SRCIN1: variants seen among roughly 807,000 people sequenced by gnomAD.
SRCIN1 encodes the protein SRC kinase signaling inhibitor 1.
In SRCIN1, 50 loss-of-function variants were observed where a neutral mutation model predicts 116.2. That is an observed-to-expected ratio of 0.43 (90% CI 0.34 to 0.54). The LOEUF is 0.54. Among genes scored for constraint, SRCIN1 ranks in the 20% least tolerant of loss-of-function variants. The pLI, the probability that SRCIN1 is intolerant of heterozygous loss-of-function variation, is 0.02. For missense variants in SRCIN1, 1,446 were observed against 1,672.0 expected (o/e 0.86, Z 2.36); for synonymous variants, 736 against 750.0 (o/e 0.98, Z 0.30).
At chr17:38,533,916 C>G (rs1231388104) in intron 18 of SRCIN1, among the ~76,000 whole-genome samples, 2 of 151,978 alleles carry the variant, frequency 1.3e-5, no homozygotes, top group Non-Finnish European at 2.9e-5. Context: ...CTGGTGGCAA[C>G]AGAGGAGGGG....
At chr17:38,589,682 G>A (rs918729212) in intron 1 of SRCIN1, among the ~76,000 whole-genome samples, 57 of 152,206 alleles carry the variant, frequency 3.7e-4, no homozygotes, top group African/African-American at 1.4e-3. Context: ...CTCCACCAGG[G>A]CGAGGGGGCC....
At chr17:38,543,209 C>T (rs528099079) in intron 18 of SRCIN1, 78 of 456,794 alleles carry the variant, frequency 1.7e-4, no homozygotes, top group Non-Finnish European at 2.8e-4. Context: ...GTGCCTCGCC[C>T]TGTCCCCACC....
At chr17:38,553,350 C>T (rs1240269859) in intron 11 of SRCIN1, among the ~76,000 whole-genome samples, 2 of 152,250 alleles carry the variant, frequency 1.3e-5, no homozygotes, top group Non-Finnish European at 2.9e-5. Flanking sequence ...TTCAGAAGCG[C>T]TCCCTAAGAG....
chr17:38,575,007 G>C, intron 2 of SRCIN1: 1 of 400,800 alleles, frequency 2.5e-6, no homozygotes, highest in Non-Finnish European at 4.4e-6. Context: ...ACCCCATTAG[G>C]GGAAGCGGGC....
In SRCIN1 at chr17:38,531,572, A is replaced by G. The variant is rs1479665439; in HGVS notation, c.*1725T>C. On this transcript the variant is annotated 3_prime_UTR_variant, in exon 19 of 19. Coordinates refer to ENST00000617146, the MANE Select transcript of SRCIN1 (RefSeq NM_025248.3). ...GTCCTTTTTTTTTTTTCTATTTTCC[A>G]GGGTTTTTTTTTTTTTCCAGGAGGG... is the stretch of plus-strand genomic sequence containing the variant. 1 of 136,388 alleles carries G rather than the reference A, an allele frequency of 7.3e-6. No individual in the cohort carries two copies. Among genetic ancestry groups the G allele is most frequent in the South Asian group, 2.3e-4 (1 of 4,364 alleles). The allele number at this position is 136,388 out of a possible 1,614,324, so 8.4% of individuals were successfully genotyped here.
rs1470311313 is a variant in SRCIN1, at chr17:38,552,573, C to T, written c.2354G>A (p.Ser785Asn). 6.2e-7 allele frequency: 1 copy of T among 1,611,432 alleles called. No homozygotes were observed. Among genetic ancestry groups the T allele is most frequent in the Non-Finnish European group, 8.5e-7 (1 of 1,179,098 alleles). Residue 785 changes from serine to asparagine, a missense_variant, in exon 13 of 19, where the codon AGC (serine) becomes AAC (asparagine). Ser to Asn is a conservative substitution (Grantham distance 46). Around this residue, in one of 5 missense-constraint regions of SRCIN1, gnomAD observed 531 missense variants for 633.9 expected, o/e 0.84. Transcript: ENST00000617146. The surrounding 1 kb of genome is among the most constrained non-coding windows in gnomAD (Gnocchi z 5.3). ...ELKAHFPGLQ[S>N]KMRVVLRVEV... ...CACGCGCAGCACCACCCGCATCTTGCTCTGCAGGCCCGGGAAGTGAGCTGA... is the reference window on the plus strand; with the variant it reads ...CACGCGCAGCACCACCCGCATCTTGTTCTGCAGGCCCGGGAAGTGAGCTGA...
At chr17:38,574,725 CAG>C (rs1276068644) in intron 2 of SRCIN1, among the ~76,000 whole-genome samples, 2 of 151,890 alleles carry the variant, frequency 1.3e-5, no homozygotes, top group African/African-American at 4.8e-5. Flanking sequence ...GTACGGGACA[CAG>C]AAGTCTCCTG....
Position 38,568,624 on chromosome 17 carries a change from G to A in SRCIN1, c.325-393C>T, listed in dbSNP as rs542150332. Among the ~76,000 whole-genome samples, 3 of 152,266 alleles carry A rather than the reference G, an allele frequency of 2.0e-5. No individual in the cohort carries two copies. Among genetic ancestry groups the A allele is most frequent in the South Asian group, 4.1e-4 (2 of 4,822 alleles). ...GCATTTGAGTTGGGTCTGGAAAAAC[G>A]AGCAGCTGGAGACTGGAAGGAGAGG... is the stretch of plus-strand genomic sequence containing the variant. On this transcript the variant is annotated intron_variant, in intron 2 of 18. Transcript: ENST00000617146. The surrounding 1 kb of genome is among the most constrained non-coding windows in gnomAD (Gnocchi z 4.5).
Position 38,563,428 on chromosome 17 carries a change from T to A in SRCIN1, c.635A>T (p.His212Leu). The change falls in exon 5 of 19, where the codon CAC becomes CTC. Residue 212 changes from histidine (H) to leucine (L), a missense_variant. This residue lies in a region of SRCIN1 where 32 missense variants were observed against 69.7 expected (regional missense o/e 0.46). Coordinates refer to ENST00000617146, the MANE Select transcript of SRCIN1 (RefSeq NM_025248.3). This position sits in a 1 kb window ranked among gnomAD's most constrained non-coding sequence, Gnocchi z 5.8. The part of the protein sequence containing the change: ...SLDTLHALIA[H>L]MFPQKLTMGM... ...CATGGTGAGCTTCTGCGGGAACATG[T>A]GCGCGATGAGTGCGTGCAGCGTGTC... The A allele has an allele frequency of 6.4e-7, 1 of 1,568,060 alleles. No homozygotes were observed. Among genetic ancestry groups the A allele is most frequent in the Non-Finnish European group, 8.7e-7 (1 of 1,155,686 alleles).
chr17:38,568,803 C>T lies in SRCIN1; in HGVS notation c.325-572G>A, dbSNP rs940048899. 6.6e-6 allele frequency among the ~76,000 whole-genome samples: 1 copy of T among 152,088 alleles called. No individual in the cohort carries two copies. The highest frequency in any genetic ancestry group is 1.5e-5 in the Non-Finnish European group (1 of 67,996). On this transcript the variant is annotated intron_variant, in intron 2 of 18. Coordinates refer to ENST00000617146, the MANE Select transcript of SRCIN1 (RefSeq NM_025248.3). The surrounding 1 kb of genome is among the most constrained non-coding windows in gnomAD (Gnocchi z 4.5). ...AGGCTGAGGCCAGATGATGAGTGGT[C>T]ATAACTGCTGAGAGAAAGTATTTAG...
At chr17:38,536,267 G>A (rs1009987532) in intron 18 of SRCIN1, among the ~76,000 whole-genome samples, 37 of 152,228 alleles carry the variant, frequency 2.4e-4, no homozygotes, top group African/African-American at 7.5e-4. Context: ...AGCTGTGCCC[G>A]GTGACCCCAG....
At chr17:38,561,007 G>A (rs1306950820) in intron 7 of SRCIN1, among the ~76,000 whole-genome samples, 1 of 152,230 alleles carries the variant, frequency 6.6e-6, no homozygotes, top group Non-Finnish European at 1.5e-5. Flanking sequence ...CAGCCTGGAG[G>A]CTAGGTACCC....
rs949765173 is a variant in SRCIN1 at position 38,531,432 on chromosome 17, C to T, written c.*1865G>A. The T allele has an allele frequency of 2.8e-5, 4 of 142,884 alleles. No homozygotes were observed. Among genetic ancestry groups the T allele is most frequent in the East Asian group, 2.1e-4 (1 of 4,812 alleles). The allele number at this position is 142,884 out of a possible 1,614,324, so 8.9% of individuals were successfully genotyped here. A position where few individuals can be genotyped will look rare whatever the true frequency, so the allele number is the denominator to read the frequency against. ...TAAATATTTATATATATTTATATTA[C>T]GTATATTATATATATAATATGTAAA... On this transcript the variant is annotated 3_prime_UTR_variant, in exon 19 of 19. Transcript: ENST00000617146.
chr17:38,551,760 G>A, intron 14 of SRCIN1, 126 bp downstream of exon 14: 3 of 1,505,196 alleles, frequency 2.0e-6, no homozygotes, highest in South Asian at 2.3e-5. Flanking sequence ...GCTTCCATTA[G>A]GGCACTGGCC....
At chr17:38,559,458 G>T in intron 10 of SRCIN1, 127 bp downstream of exon 10, 1 of 987,892 alleles carries the variant, frequency 1.0e-6, no homozygotes, top group Non-Finnish European at 1.4e-6. Flanking sequence ...CCAGTGAGCG[G>T]CGAAGGACTC....
intron 1 of SRCIN1, among the ~76,000 whole-genome samples, chr17:38,601,416 C>A (rs1909013951): frequency 6.6e-6 from 1 of 152,028 alleles, no homozygotes; most frequent in Non-Finnish European, 1.5e-5. Context: ...TGGAGATGGT[C>A]TGGTGGGTGT....
chr17:38,573,716 T>C (rs1907238299), intron 2 of SRCIN1, among the ~76,000 whole-genome samples: 1 of 152,208 alleles, frequency 6.6e-6, no homozygotes. Flanking sequence ...ACCCTACCCA[T>C]GCATATCACA....
In SRCIN1 at chr17:38,562,245, G is replaced by T; in HGVS notation, c.918C>A (p.Gly306=). The T allele has an allele frequency of 6.8e-7, 1 of 1,461,810 alleles. No individual in the cohort carries two copies. Among genetic ancestry groups the T allele is most frequent in the Non-Finnish European group, 9.0e-7 (1 of 1,116,524 alleles). 90.6% of individuals were successfully genotyped at this position (1,461,810 alleles called of 1,614,324 possible). The change falls in exon 7 of 19, where the codon GGC becomes GGA. Residue 306 remains glycine, a synonymous_variant. Coordinates refer to ENST00000617146, the MANE Select transcript of SRCIN1 (RefSeq NM_025248.3). The surrounding 1 kb of genome is among the most constrained non-coding windows in gnomAD (Gnocchi z 4.2). The part of the protein sequence containing the change: ...NLSPAPHLAS[G]SPPPGLPSGL... ...CCGACGGCAGCCCGGGCGGCGGCGA[G>T]CCGGATGCCAGGTGCGGCGCTGGTG... is the stretch of plus-strand genomic sequence containing the variant.
At chr17:38,560,462 A>G in intron 7 of SRCIN1, 37 bp from the exon 8 acceptor site, 3 of 1,543,446 alleles carry the variant, frequency 1.9e-6, no homozygotes, top group Non-Finnish European at 2.7e-6. Context: ...CTCGCCTCTG[A>G]GCATAGGGTC....
Sources: gnomAD v4.1 joint callset for allele counts (sites outside exome capture counted in the v4.1 genomes callset) on GRCh38, gnomAD v4.1.1 for gene constraint, gnomAD v4.1.1 regional missense constraint, Gnocchi (gnomAD v3.1) non-coding constraint, MANE v1.5 for transcripts, NCBI Gene and HGNC (gene_info 2026-07-23, HGNC 2026-07-21) for gene names.